The following HAUS6 variants were observed in gnomAD, a reference collection of about 807,000 sequenced individuals.
HAUS6 encodes the protein HAUS augmin like complex subunit 6.
In HAUS6, 80 loss-of-function variants were observed where a neutral mutation model predicts 106.8. The observed-to-expected ratio is 0.75, with a 90% CI of 0.63 to 0.90. The LOEUF (loss-of-function observed/expected upper bound fraction) is 0.90, where lower values mean the gene tolerates loss of function less well. HAUS6 is among the 40% of genes least tolerant of loss of function. HAUS6 has a pLI of 0.00. For missense variants in HAUS6, 1,155 were observed against 1,118.1 expected, an observed-to-expected ratio of 1.03 and a Z score of -0.47; for synonymous variants, 356 against 379.1, an observed-to-expected ratio of 0.94 and a Z score of 0.71.
rs1836450418 is a variant in HAUS6, at chr9:19,055,510, C to G, written c.*833G>C. ...CTTTCCCCCAACAGGGAGTACCTCA[C>G]AAAAAAACCCAACAACAAAACAGAC... is the stretch of plus-strand genomic sequence containing the variant. On this transcript the variant is annotated 3_prime_UTR_variant, in exon 17 of 17. Coordinates refer to ENST00000380502, the MANE Select transcript of HAUS6 (RefSeq NM_017645.5). The G allele has an allele frequency of 6.6e-6, 1 of 151,928 alleles. No individual in the cohort carries two copies. The highest frequency in any genetic ancestry group is 1.5e-5 in the Non-Finnish European group (1 of 67,988). The allele number at this position is 151,928 out of a possible 1,614,324, so 9.4% of individuals were successfully genotyped here.
chr9:19,097,714 T>C (rs1478610183), intron 1 of HAUS6, among the ~76,000 whole-genome samples: 3 of 151,670 alleles, frequency 2.0e-5, no homozygotes, highest in African/African-American at 7.3e-5. Context: ...TATAACATAA[T>C]GCTGGCAATA....
At chr9:19,076,172 C>G (rs1306018716) in intron 11 of HAUS6, among the ~76,000 whole-genome samples, 1 of 147,042 alleles carries the variant, frequency 6.8e-6, no homozygotes, top group Admixed American at 6.9e-5. Context: ...TCAGCCCGGG[C>G]AACATGGTGA....
At chr9:19,086,072 G>T (rs1837287212) in intron 7 of HAUS6, among the ~76,000 whole-genome samples, 1 of 152,088 alleles carries the variant, frequency 6.6e-6, no homozygotes, top group African/African-American at 2.4e-5. Context: ...AGCACTTTGG[G>T]AGACTGAGGC....
chr9:19,063,900 A>G, intron 12 of HAUS6: 1 of 427,506 alleles, frequency 2.3e-6, no homozygotes, highest in South Asian at 1.9e-5. Flanking sequence ...AGATTCAATT[A>G]ACTAGAACTG....
intron 1 of HAUS6, among the ~76,000 whole-genome samples, chr9:19,101,368 G>A (rs191734591): frequency 6.3e-4 from 96 of 151,410 alleles, no homozygotes; most frequent in African/African-American, 2.3e-3. Context: ...CCACGCACCT[G>A]TAGTCCCAGC....
chr9:19,092,353 T>C (rs1195168915), intron 4 of HAUS6, among the ~76,000 whole-genome samples: 5 of 151,588 alleles, frequency 3.3e-5, no homozygotes, highest in Non-Finnish European at 5.9e-5. Flanking sequence ...TCCTAACACT[T>C]TGGTGTAATC....
In HAUS6 at chr9:19,080,682, C is replaced by A. The variant is rs1174402892; in HGVS notation, c.871-10G>T. 6.4e-6 allele frequency: 10 copies of A among 1,557,470 alleles called. No individual in the cohort carries two copies. The highest frequency in any genetic ancestry group is 1.1e-5 in the South Asian group (1 of 87,312). On this transcript the variant is annotated splice_polypyrimidine_tract_variant and intron_variant, in intron 8 of 16. Transcript: ENST00000380502. ...CATTTCCTATGTGCAACTAAGGAAT[C>A]AGGAGGAGAAAAAAATTGGTGAACT...
chr9:19,100,865 C>A (rs1817972059), intron 1 of HAUS6, among the ~76,000 whole-genome samples: 1 of 152,012 alleles, frequency 6.6e-6, no homozygotes, highest in Admixed American at 6.6e-5. Context: ...CATGTTCTCA[C>A]ATGTGAAAGC....
At chr9:19,087,649 G>A (rs1837329369) in intron 5 of HAUS6, among the ~76,000 whole-genome samples, 2 of 152,068 alleles carry the variant, frequency 1.3e-5, no homozygotes, top group South Asian at 4.1e-4. Flanking sequence ...CAGGCCAGGA[G>A]TTTGAGACCA....
At chr9:19,092,598 A>G (rs1588625720) in intron 4 of HAUS6, among the ~76,000 whole-genome samples, 1 of 140,694 alleles carries the variant, frequency 7.1e-6, no homozygotes, top group South Asian at 2.3e-4. Context: ...CTGGGCAACA[A>G]GAAAAAAAAC....
chr9:19,095,956 G>C (rs1405293689), intron 2 of HAUS6, among the ~76,000 whole-genome samples: 1 of 152,020 alleles, frequency 6.6e-6, no homozygotes, highest in Non-Finnish European at 1.5e-5. Flanking sequence ...TAGCCGTGTA[G>C]ACAAAACAAC....
At chr9:19,080,069 G>C (rs1023343983) in intron 9 of HAUS6, among the ~76,000 whole-genome samples, 11 of 150,580 alleles carry the variant, frequency 7.3e-5, no homozygotes, top group African/African-American at 2.7e-4. Context: ...AGCTACTCAA[G>C]AGGCTGAGGC....
chr9:19,074,329 T>C (rs1334778199), intron 11 of HAUS6, among the ~76,000 whole-genome samples: 1 of 152,154 alleles, frequency 6.6e-6, no homozygotes, highest in Non-Finnish European at 1.5e-5. Flanking sequence ...CATTGTGCAG[T>C]GGAGCAGTAA....
Position 19,063,595 on chromosome 9 carries a change from G to A in HAUS6, c.1377-15C>T. The A allele has an allele frequency of 6.4e-7, 1 of 1,574,224 alleles. No individual in the cohort carries two copies. On this transcript the variant is annotated splice_polypyrimidine_tract_variant and intron_variant, in intron 12 of 16. Transcript: ENST00000380502. Reference sequence around the variant, plus strand: ...AAGAGGCAGGGCTAAAAGGAAAAAAGACAACAAATCCAAGTTATAAGGAGA... The same window carrying A: ...AAGAGGCAGGGCTAAAAGGAAAAAAAACAACAAATCCAAGTTATAAGGAGA...
intron 12 of HAUS6, among the ~76,000 whole-genome samples, chr9:19,069,634 TGTTGCAG>T (rs1442597108): frequency 6.6e-6 from 1 of 151,992 alleles, no homozygotes; most frequent in African/African-American, 2.4e-5. Flanking sequence ...GAGGCGGGGA[TGTTGCAG>T]TGAGCCAAAA....
chr9:19,076,003 G>A (rs1168154827), intron 11 of HAUS6, among the ~76,000 whole-genome samples: 1 of 151,438 alleles, frequency 6.6e-6, no homozygotes, highest in Non-Finnish European at 1.5e-5. Flanking sequence ...CTGGCTGCCA[G>A]GGACTAGCGG....
At chr9:19,094,608 A>C (rs567849845) in intron 2 of HAUS6, among the ~76,000 whole-genome samples, 1 of 152,262 alleles carries the variant, frequency 6.6e-6, no homozygotes, top group South Asian at 2.1e-4. Flanking sequence ...CCTGGCCAAC[A>C]TGGAGAAATC....
Position 19,054,066 on chromosome 9 carries a change from A to C in HAUS6, c.*2277T>G, listed in dbSNP as rs1440154977. On this transcript the variant is annotated 3_prime_UTR_variant, in exon 17 of 17. Transcript: ENST00000380502. ...TATAAAAAGCGTGGATTAAGACTTC[A>C]AGACGGAAGTGAGATTTTTTTCTGA... is the stretch of plus-strand genomic sequence containing the variant. 6.6e-6 allele frequency: 1 copy of C among 152,234 alleles called. No homozygotes were observed. Among genetic ancestry groups the C allele is most frequent in the Non-Finnish European group, 1.5e-5 (1 of 68,042 alleles). 9.4% of individuals were successfully genotyped at this position (152,234 alleles called of 1,614,324 possible).
chr9:19,086,621 A>C (rs77592990), intron 7 of HAUS6, 113 bp downstream of exon 7: 5 of 144,734 alleles, frequency 3.5e-5, no homozygotes. Context: ...CTCCAACTCC[A>C]AAAAAAAAAA....
Sources: allele counts gnomAD v4.1 joint callset (sites outside exome capture counted in the v4.1 genomes callset), GRCh38; gene constraint gnomAD v4.1.1; transcripts MANE v1.5; gene names NCBI Gene and HGNC (gene_info 2026-07-23, HGNC 2026-07-21).